The following ROBO2 variants were observed in gnomAD, a reference collection of about 807,000 sequenced individuals.
ROBO2 encodes roundabout homolog 2.
Under a neutral mutation model 160.8 loss-of-function variants are expected in ROBO2, and 53 were observed. The observed-to-expected ratio is 0.33, with a 90% CI of 0.26 to 0.41. The LOEUF (loss-of-function observed/expected upper bound fraction) is 0.41. Among genes scored for constraint, ROBO2 ranks in the 10% least tolerant of loss-of-function variants. ROBO2 has a pLI of 1.00. For synonymous variants in ROBO2, 664 were observed against 611.7 expected (o/e 1.09, Z -1.26); for missense variants, 1,577 against 1,722.4 (o/e 0.92, Z 1.49).
intron 2 of ROBO2, among the ~76,000 whole-genome samples, chr3:76,525,193 G>C (rs747935683): frequency 5.9e-5 from 9 of 151,806 alleles, no homozygotes; most frequent in Non-Finnish European, 1.3e-4. Context: ...TCAATAAATG[G>C]TAGAAAGAAA....
chr3:76,208,952 A>G (rs1199353397), intron 2 of ROBO2, among the ~76,000 whole-genome samples: 6 of 152,096 alleles, frequency 3.9e-5, no homozygotes, highest in Non-Finnish European at 7.4e-5. Flanking sequence ...TTTTGCATGT[A>G]CCTGCTTTCA....
chr3:76,093,472 A>G (rs1374389921), intron 2 of ROBO2, among the ~76,000 whole-genome samples: 1 of 106,556 alleles, frequency 9.4e-6, no homozygotes, highest in Non-Finnish European at 1.8e-5. Flanking sequence ...AGTTTATAAT[A>G]TATTATGTGT....
chr3:76,960,634 G>A (rs978966780), intron 2 of ROBO2, among the ~76,000 whole-genome samples: 3 of 152,092 alleles, frequency 2.0e-5, no homozygotes, highest in African/African-American at 2.4e-5. Context: ...ACACCAAACT[G>A]AAGTCAACCT....
chr3:76,679,576 G>A (rs530462591), intron 2 of ROBO2, among the ~76,000 whole-genome samples: 352 of 152,214 alleles, frequency 2.3e-3, no homozygotes, highest in Middle Eastern at 0.01. Context: ...CCTAAATTTG[G>A]AAGAAAACAG....
chr3:76,233,802 T>A (rs534753270), intron 2 of ROBO2, among the ~76,000 whole-genome samples: 1 of 152,334 alleles, frequency 6.6e-6, no homozygotes, highest in African/African-American at 2.4e-5. Context: ...TTTAGTTTAC[T>A]TTTTTGTTAT....
intron 2 of ROBO2, among the ~76,000 whole-genome samples, chr3:76,158,080 G>T (rs2072477708): frequency 6.6e-6 from 1 of 152,128 alleles, no homozygotes; most frequent in African/African-American, 2.4e-5. Flanking sequence ...CAGGTGAGAG[G>T]TTTGTGTTAT....
intron 2 of ROBO2, among the ~76,000 whole-genome samples, chr3:77,286,659 C>T (rs1017250318): frequency 7.9e-5 from 12 of 152,210 alleles, no homozygotes; most frequent in Admixed American, 2.0e-4. Context: ...AGTCTGAGAG[C>T]GCTTTTTGTT....
chr3:77,197,592 C>T lies in ROBO2; in HGVS notation c.388+99252C>T, dbSNP rs1449495869. Among the ~76,000 whole-genome samples, 3 of 152,200 alleles carry T rather than the reference C, an allele frequency of 2.0e-5. 1 individual carries two copies. The highest frequency in any genetic ancestry group is 4.4e-5 in the Non-Finnish European group (3 of 68,040). The stretch of plus-strand genomic sequence containing the variant: ...GATTTGAACACTGCTGACCTTTATG[C>T]TTCTGCCATCAGAAAGGGGGTGAGA... On this transcript the variant is annotated intron_variant, in intron 2 of 25. Transcript: ENST00000461745.
At chr3:76,416,709 C>T (rs560288075) in intron 2 of ROBO2, among the ~76,000 whole-genome samples, 10 of 152,200 alleles carry the variant, frequency 6.6e-5, no homozygotes, top group African/African-American at 9.6e-5. Flanking sequence ...GAGCTTTAGA[C>T]GAAGTGATTT....
intron 2 of ROBO2, among the ~76,000 whole-genome samples, chr3:76,705,876 A>G (rs937821758): frequency 2.6e-5 from 4 of 152,178 alleles, no homozygotes; most frequent in Non-Finnish European, 4.4e-5. Context: ...CTTCCTGACA[A>G]TAATGATTAG....
chr3:77,564,151 C>T (rs1011431257), intron 11 of ROBO2, among the ~76,000 whole-genome samples: 7 of 152,026 alleles, frequency 4.6e-5, no homozygotes, highest in Middle Eastern at 3.2e-3. Flanking sequence ...TTTCAAATTT[C>T]AAAATACTAC....
In ROBO2 at chr3:77,260,684, G is replaced by A. The variant is rs187706560; in HGVS notation, c.388+162344G>A. Among the ~76,000 whole-genome samples the A allele has an allele frequency of 2.4e-3, 362 of 152,278 alleles. 3 individuals carry two copies. The highest frequency in any genetic ancestry group is 8.1e-3 in the African/African-American group (337 of 41,538). ...ATGACTTATCCAAGGTCCCACAAGC[G>A]GTAGATCCAGAGTCAAAGTGAAGAT... On this transcript the variant is annotated intron_variant, in intron 2 of 25. Transcript: ENST00000461745.
intron 2 of ROBO2, among the ~76,000 whole-genome samples, chr3:76,512,951 T>G (rs1291867822): frequency 6.6e-6 from 1 of 152,022 alleles, no homozygotes; most frequent in Non-Finnish European, 1.5e-5. Context: ...CAAAACACCG[T>G]CATCATGAAT....
At chr3:77,180,176 G>T (rs1038850540) in intron 2 of ROBO2, among the ~76,000 whole-genome samples, 3 of 151,774 alleles carry the variant, frequency 2.0e-5, no homozygotes, top group African/African-American at 7.3e-5. Context: ...AGTGGTATAT[G>T]GCACCACAAA....
intron 2 of ROBO2, among the ~76,000 whole-genome samples, chr3:77,102,752 C>G (rs908427754): frequency 6.7e-6 from 1 of 149,928 alleles, no homozygotes. Context: ...CATGCTTCAC[C>G]TTTATGTTCT....
chr3:77,433,834 C>T (rs2079030709), intron 2 of ROBO2, among the ~76,000 whole-genome samples: 1 of 152,094 alleles, frequency 6.6e-6, no homozygotes. Flanking sequence ...CCCAGTAATT[C>T]TTGTGTCAGT....
At chr3:76,438,444 T>C (rs925391024) in intron 2 of ROBO2, among the ~76,000 whole-genome samples, 4 of 145,022 alleles carry the variant, frequency 2.8e-5, no homozygotes, top group Non-Finnish European at 6.1e-5. Flanking sequence ...ACACACACAA[T>C]GCACATATAT....
intron 2 of ROBO2, among the ~76,000 whole-genome samples, chr3:77,440,128 G>A (rs1298283152): frequency 6.6e-6 from 1 of 152,126 alleles, no homozygotes; most frequent in Non-Finnish European, 1.5e-5. Context: ...TCTACCATGT[G>A]CTTAGAGTAA....
intron 2 of ROBO2, among the ~76,000 whole-genome samples, chr3:76,827,565 G>A (rs1214395298): frequency 6.6e-6 from 1 of 152,058 alleles, no homozygotes; most frequent in Non-Finnish European, 1.5e-5. Flanking sequence ...TAAGAAAGTT[G>A]ACAACATTAC....
Sources: gnomAD v4.1 joint callset for allele counts (sites outside exome capture counted in the v4.1 genomes callset) on GRCh38, gnomAD v4.1.1 for gene constraint, MANE v1.5 for transcripts, NCBI Gene and HGNC (gene_info 2026-07-23, HGNC 2026-07-21) for gene names.